The following KANK3 variants were observed in gnomAD, a reference collection of about 807,000 sequenced individuals.
KANK3 encodes KN motif and ankyrin repeat domains 3.
In KANK3, 61 loss-of-function variants were observed where a neutral mutation model predicts 65.4. That is an observed-to-expected ratio of 0.93 (90% confidence interval 0.76 to 1.15). The LOEUF (loss-of-function observed/expected upper bound fraction) is 1.15, where lower values mean the gene tolerates loss of function less well. Ranked by LOEUF, KANK3 falls within the 50% of genes most tolerant of loss-of-function variation. KANK3 has a pLI of 0.00. For synonymous variants in KANK3, 586 were observed against 543.3 expected (o/e 1.08, Z -1.09); for missense variants, 1,187 against 1,178.8 (o/e 1.01, Z -0.10).
intron 7 of KANK3, among the ~76,000 whole-genome samples, chr19:8,329,074 G>C (rs1437042270): frequency 6.6e-6 from 1 of 151,402 alleles, no homozygotes; most frequent in African/African-American, 2.4e-5. Context: ...GGGAGGCTGA[G>C]GAAGGAGAAT....
chr19:8,333,830 A>G lies in KANK3; in HGVS notation c.1635-22T>C, dbSNP rs2009733. ...GCACCTGCAGAGGAGGCCAGGAGAGACTCAGGATGGATCGGGGACAGCGCC... is the reference window on the plus strand; with the variant it reads ...GCACCTGCAGAGGAGGCCAGGAGAGGCTCAGGATGGATCGGGGACAGCGCC... On this transcript the variant is annotated intron_variant, in intron 5 of 10. Coordinates refer to ENST00000330915, the MANE Select transcript of KANK3 (RefSeq NM_198471.3). This position sits in a 1 kb window ranked among gnomAD's most constrained non-coding sequence, Gnocchi z 5.0. 762,654 of 1,545,416 alleles carry G rather than the reference A, an allele frequency of 0.49. 189,340 individuals carry two copies. Among genetic ancestry groups the G allele is most frequent in the African/African-American group, 0.51 (37,424 of 72,954 alleles).
intron 1 of KANK3, among the ~76,000 whole-genome samples, chr19:8,340,422 A>C (rs1970710704): frequency 6.6e-6 from 1 of 151,980 alleles, no homozygotes; most frequent in Non-Finnish European, 1.5e-5. Context: ...TGCCTGTGGG[A>C]AGCACCCTCA....
At chr19:8,336,433 C>CA (rs71175838) in intron 2 of KANK3, among the ~76,000 whole-genome samples, 4,302 of 134,278 alleles carry the variant, frequency 0.032, 248 homozygotes, top group South Asian at 0.18. Context: ...GAGAACCTCT[C>CA]AAAAAAAAAA....
Position 8,334,074 on chromosome 19 carries a change from GCCA to G in KANK3, c.1467_1469del (p.Gly490del). 4 of 759,568 alleles carry G rather than the reference GCCA, an allele frequency of 5.3e-6. No individual in the cohort carries two copies. Among genetic ancestry groups the G allele is most frequent in the Non-Finnish European group, 6.8e-6 (4 of 588,726 alleles). 47.1% of individuals were successfully genotyped at this position (759,568 alleles called of 1,614,324 possible). On this transcript the variant is annotated inframe_deletion, in exon 5 of 11. Transcript: ENST00000330915. ...GCTCGGCGCCACCGTTCTCGCTGTC[GCCA>G]TCGCTGTCGCTGGCGTCCTCGCTGG...
intron 2 of KANK3, among the ~76,000 whole-genome samples, chr19:8,336,587 C>T (rs952754720): frequency 2.1e-5 from 1 of 46,808 alleles, no homozygotes; most frequent in African/African-American, 1.2e-4. Context: ...TATATATATA[C>T]ACATATACAT....
chr19:8,331,959 T>C (rs1970532057), intron 7 of KANK3, among the ~76,000 whole-genome samples: 1 of 148,342 alleles, frequency 6.7e-6, no homozygotes, highest in African/African-American at 2.5e-5. Flanking sequence ...GAACTAGGGG[T>C]ATGGTGGGGC....
chr19:8,340,275 C>CGTATATATATATATATATAT (rs780229218), intron 1 of KANK3, among the ~76,000 whole-genome samples: 8 of 66,100 alleles, frequency 1.2e-4, no homozygotes, highest in African/African-American at 5.5e-4. Context: ...AAAAAAAAAC[C>CGTATATATATATATATATAT]ATATATATAT....
At position 8,332,995 on chromosome 19, in the gene KANK3, A is replaced by T; in HGVS notation, c.1936+19T>A. On this transcript the variant is annotated intron_variant, in intron 7 of 10. Transcript: ENST00000330915. The stretch of plus-strand genomic sequence containing the variant: ...CCACCCATTTCCTGGTGTCCCACCC[A>T]CCCTCCCTTGGCTCTGACCCGTATC... 2 of 307,872 alleles carry T rather than the reference A, an allele frequency of 6.5e-6. No individual in the cohort carries two copies. The highest frequency in any genetic ancestry group is 1.2e-5 in the Non-Finnish European group (2 of 160,368). 19.1% of individuals were successfully genotyped at this position (307,872 alleles called of 1,614,324 possible). A position where few individuals can be genotyped will look rare whatever the true frequency, so the allele number is the denominator to read the frequency against.
chr19:8,334,368 G>C lies in KANK3; in HGVS notation c.1379C>G (p.Pro460Arg). ...CTGCAGGCTCTTGGGTCCGGAGCTG[G>C]GTTGGGCACCAGGTGTGCCGTCTCT... ...KKRDGTPGAQ[P>R]SSGPKSLQFV... The change falls in exon 4 of 11, where the codon CCC becomes CGC. Residue 460 changes from proline to arginine, a missense_variant. Transcript: ENST00000330915. 6.2e-7 allele frequency: 1 copy of C among 1,614,116 alleles called. No individual in the cohort carries two copies. The highest frequency in any genetic ancestry group is 8.5e-7 in the Non-Finnish European group (1 of 1,180,016).
Position 8,333,366 on chromosome 19 carries a change from A to C in KANK3, c.1720-136T>G. The C allele has an allele frequency of 2.7e-6, 2 of 727,456 alleles. No homozygotes were observed. Among genetic ancestry groups the C allele is most frequent in the Non-Finnish European group, 4.4e-6 (2 of 450,756 alleles). The allele number at this position is 727,456 out of a possible 1,614,324, so 45.1% of individuals were successfully genotyped here. Reference sequence around the variant, plus strand: ...AAGTAAGGAAGGTCACTCCTCGTCCAGGTGGGGAGCCATGCGAACCCAGAT... The same window carrying C: ...AAGTAAGGAAGGTCACTCCTCGTCCCGGTGGGGAGCCATGCGAACCCAGAT... On this transcript the variant is annotated intron_variant, in intron 6 of 10. Coordinates refer to ENST00000330915, the MANE Select transcript of KANK3 (RefSeq NM_198471.3). This position sits in a 1 kb window ranked among gnomAD's most constrained non-coding sequence, Gnocchi z 5.0.
At chr19:8,323,891 A>G (rs544589975) in intron 10 of KANK3, among the ~76,000 whole-genome samples, 7 of 152,274 alleles carry the variant, frequency 4.6e-5, no homozygotes, top group South Asian at 2.1e-4. Context: ...GTGTTCTGCA[A>G]ACTCACCCAG....
intron 2 of KANK3, among the ~76,000 whole-genome samples, chr19:8,336,822 C>G (rs1045610538): frequency 6.7e-6 from 1 of 149,828 alleles, no homozygotes; most frequent in Non-Finnish European, 1.5e-5. Flanking sequence ...TAGAAGAAAA[C>G]AGCCCATGGA....
intron 7 of KANK3, among the ~76,000 whole-genome samples, chr19:8,330,061 A>G (rs925356569): frequency 3.9e-5 from 6 of 152,094 alleles, no homozygotes; most frequent in African/African-American, 1.2e-4. Context: ...CAGAGTGAGG[A>G]GGGGCCTAGT....
At position 8,325,296 on chromosome 19, in the gene KANK3, C is replaced by CTTTTTTTTTTTTTTTTTT. The variant is rs573315741; in HGVS notation, c.1937-218_1937-201dup. ...TCAGTGAAGGACCTTCCTGTTTCAT[C>CTTTTTTTTTTTTTTTTTT]TTTTTTTTTTTTTTTTTTTTTTTTT... On this transcript the variant is annotated intron_variant, in intron 7 of 10. Transcript: ENST00000330915. 3.4e-4 allele frequency among the ~76,000 whole-genome samples: 27 copies of CTTTTTTTTTTTTTTTTTT among 78,634 alleles called. 7 individuals carry two copies. Among genetic ancestry groups the CTTTTTTTTTTTTTTTTTT allele is most frequent in the Non-Finnish European group, 4.2e-4 (18 of 42,648 alleles). 51.6% of individuals were successfully genotyped at this position (78,634 alleles called of 152,430 possible). A position where few individuals can be genotyped will look rare whatever the true frequency, so the allele number is the denominator to read the frequency against.
chr19:8,337,034 GTT>G (rs1970651949), intron 2 of KANK3, among the ~76,000 whole-genome samples: 1 of 119,578 alleles, frequency 8.4e-6, no homozygotes, highest in African/African-American at 3.5e-5. Flanking sequence ...TTTTTGTTTT[GTT>G]TTTTTCTTTT....
At chr19:8,334,443 C>A in intron 3 of KANK3, 24 bp from the exon 4 acceptor site, 1 of 1,612,800 alleles carries the variant, frequency 6.2e-7, no homozygotes, top group Non-Finnish European at 8.5e-7. Flanking sequence ...GATGAGGGCA[C>A]TGAGTTCGAG....
intron 1 of KANK3, among the ~76,000 whole-genome samples, chr19:8,341,261 A>C: frequency 1.4e-5 from 2 of 146,796 alleles, no homozygotes; most frequent in African/African-American, 2.5e-5. Flanking sequence ...TGTCTCGCTC[A>C]CTCTGTCACC....
In KANK3 at chr19:8,324,706, G is replaced by T. The variant is rs1430242328; in HGVS notation, c.2207C>A (p.Ala736Asp). ...GGTGTCCAGGCGCCCATACTCACTG[G>T]CACACATCAGCGCTGTGGCCCCATC... ...DADGATALMC[A>D]SEYGRLDTVR... The change falls in exon 9 of 11, where the codon GCC (alanine) becomes GAC (aspartate). Residue 736 changes from alanine (A) to aspartate (D), a missense_variant. This residue lies in a region of KANK3 where 1,078 missense variants were observed against 1,038.2 expected (regional missense o/e 1.04). Coordinates refer to ENST00000330915, the MANE Select transcript of KANK3 (RefSeq NM_198471.3). 1 of 1,613,910 alleles carries T rather than the reference G, an allele frequency of 6.2e-7. No homozygotes were observed. The highest frequency in any genetic ancestry group is 8.5e-7 in the Non-Finnish European group (1 of 1,180,028).
At position 8,334,780 on chromosome 19, in the gene KANK3, C is replaced by A; in HGVS notation, c.1047G>T (p.Ala349=). Residue 349 remains alanine (A), a synonymous_variant, in exon 3 of 11, where the codon GCG becomes GCT. Transcript: ENST00000330915. The stretch of plus-strand genomic sequence containing the variant: ...GCAGCTCTAGCTCGCGCTCGGCGGC[C>A]GCAGGCAGCCCCAGCAGCGCCTCGG... ...WVTEALLGLP[A]AAERELELLR... 1 of 1,499,440 alleles carries A rather than the reference C, an allele frequency of 6.7e-7. No individual in the cohort carries two copies. Among genetic ancestry groups the A allele is most frequent in the Non-Finnish European group, 8.8e-7 (1 of 1,133,032 alleles). 92.9% of individuals were successfully genotyped at this position (1,499,440 alleles called of 1,614,324 possible).
Sources: gnomAD v4.1 joint callset for allele counts (sites outside exome capture counted in the v4.1 genomes callset) on GRCh38, gnomAD v4.1.1 for gene constraint, gnomAD v4.1.1 regional missense constraint, Gnocchi (gnomAD v3.1) non-coding constraint, MANE v1.5 for transcripts, NCBI Gene and HGNC (gene_info 2026-07-23, HGNC 2026-07-21) for gene names.